PPP2R2B: variants seen among roughly 807,000 people sequenced by gnomAD.
PPP2R2B encodes the protein protein phosphatase 2 regulatory subunit Bbeta, also known as serine/threonine-protein phosphatase 2A 55 kDa regulatory subunit B beta isoform.
PPP2R2B carries 5 observed loss-of-function variants against 46.0 expected under a neutral mutation model. That is an observed-to-expected ratio of 0.11 (90% CI 0.06 to 0.23). The LOEUF is 0.23. PPP2R2B is among the 10% of genes least tolerant of loss of function. The pLI is 1.00. For synonymous variants in PPP2R2B, 215 were observed against 206.7 expected (o/e 1.04, Z -0.34); for missense variants, 367 against 575.0 (o/e 0.64, Z 3.70).
At chr5:147,012,418 G>C (rs1187132056) in intron 1 of PPP2R2B, among the ~76,000 whole-genome samples, 3 of 151,956 alleles carry the variant, frequency 2.0e-5, no homozygotes, top group Non-Finnish European at 4.4e-5. Context: ...TGGGATCAGT[G>C]GTGATATCCC....
upstream of PPP2R2B, among the ~76,000 whole-genome samples, chr5:147,056,404 C>T (rs1057133333): frequency 2.0e-5 from 3 of 152,152 alleles, no homozygotes; most frequent in South Asian, 2.1e-4. Context: ...ATTGAGTAGT[C>T]GGTGACAGAG....
chr5:146,630,982 G>C (rs1774387084), intron 7 of PPP2R2B, among the ~76,000 whole-genome samples: 2 of 152,190 alleles, frequency 1.3e-5, no homozygotes, highest in Non-Finnish European at 2.9e-5. Flanking sequence ...AGCTGATAGT[G>C]GCTGCTCAAC....
chr5:146,660,159 T>C (rs1271566497), intron 5 of PPP2R2B, among the ~76,000 whole-genome samples: 1 of 152,096 alleles, frequency 6.6e-6, no homozygotes, highest in Non-Finnish European at 1.5e-5. Context: ...GGGGGCAGAG[T>C]CTGGCATTGT....
At chr5:146,655,504 G>T (rs1322071434) in intron 5 of PPP2R2B, among the ~76,000 whole-genome samples, 2 of 152,162 alleles carry the variant, frequency 1.3e-5, no homozygotes, top group Non-Finnish European at 2.9e-5. Flanking sequence ...CACTTCAGCA[G>T]TTCCTCAGTG....
At chr5:146,936,631 A>C (rs1212279200) in intron 1 of PPP2R2B, among the ~76,000 whole-genome samples, 1 of 152,094 alleles carries the variant, frequency 6.6e-6, no homozygotes, top group African/African-American at 2.4e-5. Context: ...AGAGATAGTA[A>C]GAGGACATGC....
Position 146,628,022 on chromosome 5 carries a change from G to A in PPP2R2B, c.790+10229C>T, listed in dbSNP as rs534795580. Among the ~76,000 whole-genome samples, 104 of 151,554 alleles carry A rather than the reference G, an allele frequency of 6.9e-4. 1 individual carries two copies. The highest frequency in any genetic ancestry group is 1.6e-3 in the African/African-American group (68 of 41,280). Reference sequence around the variant, plus strand: ...TGCAGTGGCACAATCTCAGCTCACCGCAACCTCCACCTCCTGGGCTCAAGT... The same window carrying A: ...TGCAGTGGCACAATCTCAGCTCACCACAACCTCCACCTCCTGGGCTCAAGT... On this transcript the variant is annotated intron_variant, in intron 7 of 9. Transcript: ENST00000394411.
chr5:146,952,462 A>G (rs1248966584), intron 1 of PPP2R2B, among the ~76,000 whole-genome samples: 1 of 152,070 alleles, frequency 6.6e-6, no homozygotes, highest in African/African-American at 2.4e-5. Context: ...TTGGGTATTG[A>G]GCTGAGCTAC....
intron 2 of PPP2R2B, among the ~76,000 whole-genome samples, chr5:147,067,966 C>A (rs1253713053): frequency 1.3e-5 from 2 of 152,024 alleles, no homozygotes; most frequent in Non-Finnish European, 2.9e-5. Context: ...TATTGCTCTT[C>A]CCAAAGATGA....
At chr5:146,943,698 G>T (rs1764395390) in intron 1 of PPP2R2B, among the ~76,000 whole-genome samples, 2 of 151,896 alleles carry the variant, frequency 1.3e-5, no homozygotes, top group African/African-American at 2.4e-5. Context: ...TAGCAGAAAG[G>T]CATAAGCTCA....
intron 5 of PPP2R2B, among the ~76,000 whole-genome samples, chr5:146,673,715 C>T (rs464658): frequency 0.77 from 116,424 of 152,052 alleles, 45,998 homozygotes; most frequent in Non-Finnish European, 0.86. Flanking sequence ...GACTTAACTG[C>T]AGCTTCTTCC....
chr5:146,892,234 A>G (rs1014948657), intron 1 of PPP2R2B, among the ~76,000 whole-genome samples: 8 of 152,242 alleles, frequency 5.3e-5, no homozygotes, highest in Admixed American at 1.3e-4. Context: ...TCTGCATTCC[A>G]TCAGCTCTAG....
chr5:146,628,646 T>A (rs1774220481), intron 7 of PPP2R2B, among the ~76,000 whole-genome samples: 3 of 152,146 alleles, frequency 2.0e-5, no homozygotes. Flanking sequence ...CAAACCACAA[T>A]GGAATTAAGA....
intron 2 of PPP2R2B, among the ~76,000 whole-genome samples, chr5:146,771,369 G>A (rs188652424): frequency 2.6e-4 from 39 of 152,242 alleles, no homozygotes; most frequent in Admixed American, 7.9e-4. Context: ...AATCCCTTGC[G>A]AACAGGTGCT....
intron 1 of PPP2R2B, among the ~76,000 whole-genome samples, chr5:146,989,557 G>T (rs1174993818): frequency 1.3e-5 from 2 of 151,996 alleles, no homozygotes; most frequent in African/African-American, 4.8e-5. Context: ...ATCTATTCAT[G>T]ATAAGAACTT....
chr5:146,647,356 C>A (rs1775652744), intron 6 of PPP2R2B, among the ~76,000 whole-genome samples: 1 of 152,162 alleles, frequency 6.6e-6, no homozygotes, highest in Admixed American at 6.5e-5. Flanking sequence ...ATGAGACCTG[C>A]CTGGTGGCTG....
At chr5:147,006,163 G>A (rs2151873491) in intron 1 of PPP2R2B, among the ~76,000 whole-genome samples, 1 of 152,306 alleles carries the variant, frequency 6.6e-6, no homozygotes, top group African/African-American at 2.4e-5. Flanking sequence ...AAGGGAAAAA[G>A]ACGCAATGGG....
At chr5:146,819,901 G>A (rs1173204325) in intron 2 of PPP2R2B, among the ~76,000 whole-genome samples, 1 of 152,164 alleles carries the variant, frequency 6.6e-6, no homozygotes, top group African/African-American at 2.4e-5. Context: ...CATAAAAAAT[G>A]AAATTGTGTC....
At chr5:146,597,629 T>A (rs554530780) in intron 8 of PPP2R2B, among the ~76,000 whole-genome samples, 1 of 152,252 alleles carries the variant, frequency 6.6e-6, no homozygotes, top group Non-Finnish European at 1.5e-5. Flanking sequence ...AAACATAAAA[T>A]CATACAGGTT....
chr5:146,804,032 T>A (rs2151308847), intron 2 of PPP2R2B, among the ~76,000 whole-genome samples: 1 of 152,166 alleles, frequency 6.6e-6, no homozygotes, highest in Admixed American at 6.5e-5. Flanking sequence ...ACGGGCGTGG[T>A]GGCCAGTGCC....
Sources: allele counts gnomAD v4.1 joint callset (sites outside exome capture counted in the v4.1 genomes callset), GRCh38; gene constraint gnomAD v4.1.1; transcripts MANE v1.5; gene names NCBI Gene and HGNC (gene_info 2026-07-23, HGNC 2026-07-21).